Variants in KNL1 observed in about 807,000 individuals in gnomAD.
The protein encoded by KNL1 is kinetochore scaffold 1, also known as outer kinetochore KNL1 complex subunit KNL1.
KNL1 carries 66 observed loss-of-function variants against 201.3 expected under a neutral mutation model. The ratio of observed to expected loss-of-function variants is 0.33; its 90% CI spans 0.27 to 0.40. KNL1 has a LOEUF of 0.40. KNL1 is among the 10% of genes least tolerant of loss of function. The probability of loss-of-function intolerance (pLI) is 1.00; values close to 1 mark genes in which losing one functional copy is unlikely to be tolerated. For missense variants in KNL1, 2,815 were observed against 2,690.5 expected (o/e 1.05, Z -1.02); for synonymous variants, 895 against 899.2 (o/e 1.00, Z 0.08).
intron 13 of KNL1, among the ~76,000 whole-genome samples, chr15:40,633,375 T>C (rs539106464): frequency 2.0e-5 from 3 of 151,574 alleles, no homozygotes; most frequent in African/African-American, 4.8e-5. Context: ...GACATTGTAA[T>C]GTAGCACAAC....
At chr15:40,657,959 G>GT (rs1229415230) in intron 24 of KNL1, among the ~76,000 whole-genome samples, 1 of 152,038 alleles carries the variant, frequency 6.6e-6, no homozygotes, top group African/African-American at 2.4e-5. Context: ...TATATATATA[G>GT]TAAGTTCTTG....
At chr15:40,627,382 C>T (rs1052318716) in intron 10 of KNL1, among the ~76,000 whole-genome samples, 1 of 151,952 alleles carries the variant, frequency 6.6e-6, no homozygotes. Flanking sequence ...GGCATGGTGG[C>T]GAGCACCTGT....
At chr15:40,613,492 T>A (rs1892239288) in intron 7 of KNL1, among the ~76,000 whole-genome samples, 1 of 152,168 alleles carries the variant, frequency 6.6e-6, no homozygotes, top group Non-Finnish European at 1.5e-5. Flanking sequence ...ATAGTAGTCA[T>A]GGTTTAGAAA....
At chr15:40,660,789 C>T (rs986149495) in intron 25 of KNL1, among the ~76,000 whole-genome samples, 35 of 150,490 alleles carry the variant, frequency 2.3e-4, no homozygotes, top group African/African-American at 6.1e-4. Flanking sequence ...GCCAACATGG[C>T]GAATCCCCAC....
chr15:40,606,946 A>G (rs906832291), intron 4 of KNL1, among the ~76,000 whole-genome samples: 76 of 152,166 alleles, frequency 5.0e-4, no homozygotes, highest in African/African-American at 1.8e-3. Flanking sequence ...TTTTATAGAG[A>G]CAGGATTTCG....
At chr15:40,600,075 CTTTT>C (rs10706832) in intron 1 of KNL1, among the ~76,000 whole-genome samples, 14 of 100,150 alleles carry the variant, frequency 1.4e-4, no homozygotes, top group Non-Finnish European at 1.9e-4. Flanking sequence ...TTTGGGATTC[CTTTT>C]TTTTTTTTTT....
At chr15:40,656,581 G>A (rs1027241189) in intron 22 of KNL1, among the ~76,000 whole-genome samples, 2 of 151,964 alleles carry the variant, frequency 1.3e-5, no homozygotes, top group Admixed American at 1.3e-4. Flanking sequence ...AATCATGTTT[G>A]AAAATAAAAA....
At position 40,628,585 on chromosome 15, in the gene KNL1, G is replaced by C. The variant is rs372080433; in HGVS notation, c.5516-26G>C. 3 of 1,495,504 alleles carry C rather than the reference G, an allele frequency of 2.0e-6. No homozygotes were observed. The African/African-American group carries it at 4.2e-5, about 21-fold the overall frequency. 92.6% of individuals were successfully genotyped at this position (1,495,504 alleles called of 1,614,324 possible). A position where few individuals can be genotyped will look rare whatever the true frequency, so the allele number is the denominator to read the frequency against. On this transcript the variant is annotated intron_variant, in intron 11 of 25. Coordinates refer to ENST00000399668, the MANE Select transcript of KNL1 (RefSeq NM_144508.5). ...TTCACAGTTTAGTTTTGACTTGTTC[G>C]TCACCAGAATTTGCTTTACTTCTAG...
intron 16 of KNL1, 100 bp from the exon 17 acceptor site, chr15:40,646,887 T>G: frequency 8.3e-6 from 4 of 481,264 alleles, no homozygotes; most frequent in East Asian, 3.9e-5. Flanking sequence ...AAGATTTGCC[T>G]GTTTGTGATC....
rs776886833 is a variant in KNL1 at position 40,618,964 on chromosome 15, A to G, written c.328A>G (p.Asn110Asp). 2 of 1,606,306 alleles carry G rather than the reference A, an allele frequency of 1.2e-6. No homozygotes were observed. Among genetic ancestry groups the G allele is most frequent in the South Asian group, 2.2e-5 (2 of 90,762 alleles). Residue 110 changes from asparagine to aspartate, a missense_variant, in exon 9 of 26, where the codon AAC becomes GAC. Physicochemically the swap from Asn to Asp is conservative, Grantham distance 23. Around this residue, in one of 3 missense-constraint regions of KNL1, gnomAD observed 2,464 missense variants for 2,291.7 expected, o/e 1.08. Coordinates refer to ENST00000399668, the MANE Select transcript of KNL1 (RefSeq NM_144508.5). ...EDNYCEITGM[N>D]TLLSAPIHTQ... ...TTTTTCTTTTTTCTAAATAGGGATG[A>G]ACACATTGCTTTCTGCTCCCATTCA...
intron 25 of KNL1, among the ~76,000 whole-genome samples, chr15:40,660,372 T>C (rs970336105): frequency 9.9e-5 from 15 of 151,338 alleles, no homozygotes; most frequent in African/African-American, 3.4e-4. Flanking sequence ...TTTATGGCCT[T>C]AAAAACAGAG....
At position 40,649,581 on chromosome 15, in the gene KNL1, C is replaced by T. The variant is rs991090586; in HGVS notation, c.6095-720C>T. Among the ~76,000 whole-genome samples the T allele has an allele frequency of 2.0e-5, 3 of 150,978 alleles. No homozygotes were observed. In the South Asian group the frequency reaches 6.3e-4, roughly 32 times the overall value. ...AAGTGCTAGGATTACAGGCATCAGCCACTACGCCTGCCTTTTTCTTTTATT... is the reference window on the plus strand; with the variant it reads ...AAGTGCTAGGATTACAGGCATCAGCTACTACGCCTGCCTTTTTCTTTTATT... On this transcript the variant is annotated intron_variant, in intron 17 of 25. Transcript: ENST00000399668.
intron 10 of KNL1, among the ~76,000 whole-genome samples, chr15:40,627,530 A>T (rs951519922): frequency 2.0e-5 from 3 of 149,954 alleles, no homozygotes; most frequent in Admixed American, 2.0e-4. Flanking sequence ...AAAAAAAAAA[A>T]CTTACCAAAA....
chr15:40,646,729 C>G (rs1173406905), intron 16 of KNL1: 1 of 215,378 alleles, frequency 4.6e-6, no homozygotes, highest in Non-Finnish European at 9.1e-6. Context: ...TGGTGGCAGG[C>G]ACCTGTAGTC....
intron 24 of KNL1, 71 bp from the exon 25 acceptor site, chr15:40,659,263 CAAAAA>C (rs879185238): frequency 1.9e-5 from 20 of 1,045,548 alleles, no homozygotes; most frequent in East Asian, 9.9e-5. Flanking sequence ...GACTCCGTCT[CAAAAA>C]AAAAAAAAAA....
At chr15:40,632,973 C>T (rs1021989001) in intron 13 of KNL1, among the ~76,000 whole-genome samples, 7 of 152,104 alleles carry the variant, frequency 4.6e-5, no homozygotes, top group Non-Finnish European at 8.8e-5. Context: ...AAAGAACAGT[C>T]ATGTACTGCG....
intron 13 of KNL1, among the ~76,000 whole-genome samples, chr15:40,638,074 G>A (rs927915635): frequency 2.6e-5 from 4 of 151,870 alleles, no homozygotes; most frequent in Non-Finnish European, 5.9e-5. Flanking sequence ...CCAGCTACTC[G>A]GGAGACTGAG....
chr15:40,658,638 T>G (rs1893812156), intron 24 of KNL1, among the ~76,000 whole-genome samples: 1 of 123,166 alleles, frequency 8.1e-6, no homozygotes, highest in African/African-American at 3.1e-5. Flanking sequence ...GAAAAGAAAA[T>G]GAAATTGGGC....
chr15:40,647,156 G>A (rs1437790030), intron 17 of KNL1, 82 bp downstream of exon 17: 4 of 736,210 alleles, frequency 5.4e-6, no homozygotes, highest in Admixed American at 2.2e-5. Flanking sequence ...TTGGTACCAC[G>A]ATATTGAAGA....
Sources: gnomAD v4.1 joint callset for allele counts (sites outside exome capture counted in the v4.1 genomes callset) on GRCh38, gnomAD v4.1.1 for gene constraint, gnomAD v4.1.1 regional missense constraint, MANE v1.5 for transcripts, NCBI Gene and HGNC (gene_info 2026-07-23, HGNC 2026-07-21) for gene names.